The following DIS3L2 variants were observed in gnomAD, a reference collection of about 807,000 sequenced individuals.
DIS3L2 encodes DIS3 like 3'-5' exoribonuclease 2.
Under a neutral mutation model 97.5 loss-of-function variants are expected in DIS3L2, and 34 were observed. The ratio of observed to expected loss-of-function variants is 0.35; its 90% CI spans 0.27 to 0.46. The LOEUF is 0.46. Ranked by LOEUF, DIS3L2 falls within the 20% of genes least tolerant of loss-of-function variation. The pLI, the probability that DIS3L2 is intolerant of heterozygous loss-of-function variation, is 1.00. For missense variants in DIS3L2, 1,038 were observed against 1,146.0 expected, an observed-to-expected ratio of 0.91 and a Z score of 1.36; for synonymous variants, 435 against 445.2, an observed-to-expected ratio of 0.98 and a Z score of 0.29.
intron 1 of DIS3L2, among the ~76,000 whole-genome samples, chr2:232,013,681 G>A (rs915892440): frequency 3.3e-5 from 5 of 152,178 alleles, no homozygotes; most frequent in Non-Finnish European, 5.9e-5. Context: ...GTGCCCTGAA[G>A]AAATATGTGT....
intron 12 of DIS3L2, among the ~76,000 whole-genome samples, chr2:232,254,334 G>A (rs190603144): frequency 6.6e-6 from 1 of 152,122 alleles, no homozygotes; most frequent in African/African-American, 2.4e-5. Flanking sequence ...TATGAGGACA[G>A]TATGCCAGCA....
At chr2:232,006,050 TG>T (rs1318081661) in intron 1 of DIS3L2, among the ~76,000 whole-genome samples, 1 of 152,196 alleles carries the variant, frequency 6.6e-6, no homozygotes, top group Non-Finnish European at 1.5e-5. Context: ...TAGCCGGGCA[TG>T]GTGGCACACT....
At chr2:232,008,750 A>G (rs1455777750) in intron 1 of DIS3L2, among the ~76,000 whole-genome samples, 1 of 152,180 alleles carries the variant, frequency 6.6e-6, no homozygotes, top group African/African-American at 2.4e-5. Flanking sequence ...GGCAAGGCAC[A>G]TGTGGACTTC....
intron 16 of DIS3L2, among the ~76,000 whole-genome samples, chr2:232,332,804 G>C (rs1695779490): frequency 6.6e-6 from 1 of 152,226 alleles, no homozygotes; most frequent in African/African-American, 2.4e-5. Flanking sequence ...GCACAGAGGT[G>C]CCCGGGTGAA....
At chr2:232,209,643 A>G (rs190215408) in intron 9 of DIS3L2, among the ~76,000 whole-genome samples, 37 of 152,296 alleles carry the variant, frequency 2.4e-4, no homozygotes, top group African/African-American at 6.7e-4. Flanking sequence ...GCTGCTGCCA[A>G]GATCTTTAGG....
At chr2:232,215,941 C>T (rs773147578) in intron 10 of DIS3L2, among the ~76,000 whole-genome samples, 55 of 152,184 alleles carry the variant, frequency 3.6e-4, no homozygotes, top group Admixed American at 3.3e-4. Flanking sequence ...GCTCTTTTCT[C>T]ACCTCTGGGA....
At chr2:232,188,572 T>A (rs534310069) in intron 9 of DIS3L2, among the ~76,000 whole-genome samples, 1 of 152,328 alleles carries the variant, frequency 6.6e-6, no homozygotes, top group South Asian at 2.1e-4. Flanking sequence ...ATGCAAAAGT[T>A]AACTCAAAAT....
chr2:232,243,732 T>A (rs1407727979), intron 11 of DIS3L2, among the ~76,000 whole-genome samples: 1 of 152,180 alleles, frequency 6.6e-6, no homozygotes, highest in Non-Finnish European at 1.5e-5. Context: ...CAAGAAGAAG[T>A]AGGGAGAAGC....
intron 10 of DIS3L2, among the ~76,000 whole-genome samples, chr2:232,228,977 T>C (rs1692719950): frequency 1.3e-5 from 2 of 152,218 alleles, no homozygotes; most frequent in South Asian, 2.1e-4. Context: ...ATTACAAAAG[T>C]GTGTAACGGA....
chr2:232,005,651 C>T (rs1410262281), intron 1 of DIS3L2, among the ~76,000 whole-genome samples: 1 of 152,186 alleles, frequency 6.6e-6, no homozygotes, highest in East Asian at 1.9e-4. Flanking sequence ...GCCTTCCTCC[C>T]TTTGTTTACC....
At chr2:232,252,690 C>G (rs553470576) in intron 12 of DIS3L2, among the ~76,000 whole-genome samples, 81 of 152,210 alleles carry the variant, frequency 5.3e-4, no homozygotes, top group African/African-American at 1.9e-3. Flanking sequence ...TGCTTGACCC[C>G]AGGAGTTCGA....
At chr2:232,142,608 G>A (rs1690091554) in intron 8 of DIS3L2, among the ~76,000 whole-genome samples, 2 of 152,112 alleles carry the variant, frequency 1.3e-5, no homozygotes, top group South Asian at 4.1e-4. Flanking sequence ...AAATAACTCA[G>A]TATTGTTGAC....
intron 1 of DIS3L2, among the ~76,000 whole-genome samples, chr2:231,993,460 T>A (rs1553599150): frequency 6.6e-6 from 1 of 152,144 alleles, no homozygotes; most frequent in Non-Finnish European, 1.5e-5. Context: ...GTGATCCACC[T>A]GCCTCGGCCT....
In DIS3L2 at chr2:232,030,089, A is replaced by G. The variant is rs878855226; in HGVS notation, c.366+9A>G. The G allele has an allele frequency of 3.1e-6, 5 of 1,607,958 alleles. No homozygotes were observed. The highest frequency in any genetic ancestry group is 4.5e-5 in the East Asian group (2 of 44,578). On this transcript the variant is annotated intron_variant, in intron 5 of 20. Coordinates refer to ENST00000325385, the MANE Select transcript of DIS3L2 (RefSeq NM_152383.5). ...CCGAGGAGCATTGGAAGGTGAGTTA[A>G]GTTTTCCCTTTCTAATTACAGATTT...
chr2:232,327,788 G>T (rs903640968), intron 14 of DIS3L2, among the ~76,000 whole-genome samples: 3 of 152,174 alleles, frequency 2.0e-5, no homozygotes, highest in African/African-American at 7.2e-5. Context: ...CTGGCCATGT[G>T]GGGGGCAGGT....
At position 232,174,262 on chromosome 2, in the gene DIS3L2, A is replaced by G. The variant is rs547567881; in HGVS notation, c.1124+10630A>G. ...GTTTAGAAATACATTTTATATTTAT[A>G]TATATATCTGGTATCCTGCAACCTT... On this transcript the variant is annotated intron_variant, in intron 9 of 20. Coordinates refer to ENST00000325385, the MANE Select transcript of DIS3L2 (RefSeq NM_152383.5). 5.9e-5 allele frequency among the ~76,000 whole-genome samples: 9 copies of G among 152,096 alleles called. 1 individual carries two copies. The highest frequency in any genetic ancestry group is 2.0e-4 in the Admixed American group (3 of 15,232).
Position 232,325,415 on chromosome 2 carries a change from GGGGGGCTGGT to G in DIS3L2, c.1740-4395_1740-4386del, listed in dbSNP as rs1695544639. On this transcript the variant is annotated intron_variant, in intron 14 of 20. Coordinates refer to ENST00000325385, the MANE Select transcript of DIS3L2 (RefSeq NM_152383.5). The surrounding 1 kb of genome is among the most constrained non-coding windows in gnomAD (Gnocchi z 4.6). ...GCTGTGGGGAGTGTGTACCGTGTGC[GGGGGGCTGGT>G]GGCCTTTCTCTGCTGTCTGCCACAG... is the stretch of plus-strand genomic sequence containing the variant. Among the ~76,000 whole-genome samples the G allele has an allele frequency of 6.6e-6, 1 of 152,212 alleles. No individual in the cohort carries two copies. Among genetic ancestry groups the G allele is most frequent in the Non-Finnish European group, 1.5e-5 (1 of 68,032 alleles).
chr2:232,042,472 G>A (rs534659349), intron 5 of DIS3L2, among the ~76,000 whole-genome samples: 75 of 152,272 alleles, frequency 4.9e-4, no homozygotes, highest in African/African-American at 1.5e-3. Flanking sequence ...AAAAGACTTG[G>A]AAGGTACTCA....
Position 232,122,452 on chromosome 2 carries a change from C to T in DIS3L2, c.602-8167C>T, listed in dbSNP as rs952398665. ...TCGCTACAGGCCAGGCACGGTGGCTCACGCCTGTAATCCCAGCATTTTGGA... is the reference window on the plus strand; with the variant it reads ...TCGCTACAGGCCAGGCACGGTGGCTTACGCCTGTAATCCCAGCATTTTGGA... On this transcript the variant is annotated intron_variant, in intron 6 of 20. Coordinates refer to ENST00000325385, the MANE Select transcript of DIS3L2 (RefSeq NM_152383.5). Among the ~76,000 whole-genome samples, 3 of 152,304 alleles carry T rather than the reference C, an allele frequency of 2.0e-5. No individual in the cohort carries two copies. The East Asian group carries it at 5.8e-4, about 29-fold the overall frequency.
Sources: gnomAD v4.1 joint callset for allele counts (sites outside exome capture counted in the v4.1 genomes callset) on GRCh38, gnomAD v4.1.1 for gene constraint, Gnocchi (gnomAD v3.1) non-coding constraint, MANE v1.5 for transcripts, NCBI Gene and HGNC (gene_info 2026-07-23, HGNC 2026-07-21) for gene names.